The following CFAP58 variants were observed in gnomAD, a reference collection of about 807,000 sequenced individuals.
CFAP58 encodes cilia- and flagella-associated protein 58.
In CFAP58, 88 loss-of-function variants were observed where a neutral mutation model predicts 119.5. The ratio of observed to expected loss-of-function variants is 0.74; its 90% CI spans 0.62 to 0.88. The LOEUF (loss-of-function observed/expected upper bound fraction) is 0.88, where lower values mean the gene tolerates loss of function less well. Ranked by LOEUF, CFAP58 falls within the 40% of genes least tolerant of loss-of-function variation. CFAP58 has a pLI of 0.00. For synonymous variants in CFAP58, 365 were observed against 366.3 expected (o/e 1.00, Z 0.04); for missense variants, 990 against 1,021.2 (o/e 0.97, Z 0.42).
chr10:104,438,531 G>A (rs976105884), intron 15 of CFAP58, among the ~76,000 whole-genome samples: 1 of 151,732 alleles, frequency 6.6e-6, no homozygotes, highest in Non-Finnish European at 1.5e-5. Context: ...GCCCGCCACA[G>A]CGCCCGGCTA....
chr10:104,380,033 T>C lies in CFAP58; in HGVS notation c.1178T>C (p.Met393Thr). 2.5e-6 allele frequency: 4 copies of C among 1,613,354 alleles called. No individual in the cohort carries two copies. Among genetic ancestry groups the C allele is most frequent in the East Asian group, 2.2e-5 (1 of 44,876 alleles). ...GCTTTGTGCCCTTATTTTTAGAACA[T>C]GCTTAAGGCGGTCAATGCGACCCAG... The part of the protein sequence containing the change: ...LRERDILNKN[M>T]LKAVNATQKQ... The change falls in exon 9 of 18, where the codon ATG (methionine) becomes ACG (threonine). Residue 393 changes from methionine (M) to threonine (T), a missense_variant. Transcript: ENST00000369704.
intron 11 of CFAP58, among the ~76,000 whole-genome samples, chr10:104,398,314 G>A (rs751456457): frequency 6.6e-6 from 1 of 152,214 alleles, no homozygotes. Context: ...ACAATAGAAG[G>A]AGCACAGGCT....
In CFAP58 at chr10:104,400,693, G is replaced by C. The variant is rs373069696; in HGVS notation, c.1829G>C (p.Arg610Thr). 2.2e-5 allele frequency: 36 copies of C among 1,613,752 alleles called. No individual in the cohort carries two copies. Among genetic ancestry groups the C allele is most frequent in the Non-Finnish European group, 2.8e-5 (33 of 1,179,984 alleles). Reference sequence around the variant, plus strand: ...CTACCTTCCTAGGTCATCAGTGAGAGAGATATCCTGGGGTCTCAGCTTGTT... The same window carrying C: ...CTACCTTCCTAGGTCATCAGTGAGACAGATATCCTGGGGTCTCAGCTTGTT... ...KKELDQVISE[R>T]DILGSQLVRR... Residue 610 changes from arginine to threonine, a missense_variant, in exon 13 of 18, where the codon AGA (arginine) becomes ACA (threonine). Transcript: ENST00000369704.
Position 104,368,490 on chromosome 10 carries a change from A to G in CFAP58, c.860A>G (p.Glu287Gly). ...ATGAGAAATGCTAAACTTCAGCAAG[A>G]GAATGAACAGCACAGTTTGGTCTGT... ...FQMRNAKLQQ[E>G]NEQHSLVCEQ... The change falls in exon 6 of 18, where the codon GAG becomes GGG. Residue 287 changes from glutamate to glycine, a missense_variant. Physicochemically the swap from Glu to Gly is moderately conservative, Grantham distance 98. Transcript: ENST00000369704. 3 of 1,614,074 alleles carry G rather than the reference A, an allele frequency of 1.9e-6. No homozygotes were observed. The highest frequency in any genetic ancestry group is 2.5e-6 in the Non-Finnish European group (3 of 1,179,948).
chr10:104,373,566 A>G (rs1024585623), intron 7 of CFAP58, among the ~76,000 whole-genome samples: 1 of 152,134 alleles, frequency 6.6e-6, no homozygotes, highest in Non-Finnish European at 1.5e-5. Context: ...AGGCAGGAGG[A>G]TCACTTGAGT....
chr10:104,373,958 G>T (rs2014855726), intron 7 of CFAP58, among the ~76,000 whole-genome samples: 1 of 152,068 alleles, frequency 6.6e-6, no homozygotes, highest in South Asian at 2.1e-4. Context: ...TGTGCAGTAT[G>T]GATTCTTAAG....
At chr10:104,376,971 GGAAAA>G in intron 8 of CFAP58, 78 bp downstream of exon 8, 1 of 1,160,310 alleles carries the variant, frequency 8.6e-7, no homozygotes, top group Non-Finnish European at 1.3e-6. Context: ...CAGTTGGATG[GGAAAA>G]GAAAACTCCG....
intron 1 of CFAP58, among the ~76,000 whole-genome samples, chr10:104,354,397 G>A (rs2135238094): frequency 6.6e-6 from 1 of 151,962 alleles, no homozygotes; most frequent in South Asian, 2.1e-4. Context: ...AGGCTCTTCT[G>A]CCCATCACCT....
At position 104,376,800 on chromosome 10, in the gene CFAP58, T is replaced by C. The variant is rs765585303; in HGVS notation, c.1091-11T>C. 4.4e-5 allele frequency: 70 copies of C among 1,608,438 alleles called. No individual in the cohort carries two copies. The South Asian group carries it at 6.7e-4, about 15-fold the overall frequency. ...TACGTTTATTATTATTTTTTCTCCCTGGGGATTCAGAGGTAGAGGCTTCAA... is the reference window on the plus strand; with the variant it reads ...TACGTTTATTATTATTTTTTCTCCCCGGGGATTCAGAGGTAGAGGCTTCAA... On this transcript the variant is annotated splice_polypyrimidine_tract_variant and intron_variant, in intron 7 of 17. Coordinates refer to ENST00000369704, the MANE Select transcript of CFAP58 (RefSeq NM_001008723.2).
intron 2 of CFAP58, among the ~76,000 whole-genome samples, chr10:104,360,867 A>G (rs1429805113): frequency 2.0e-5 from 3 of 152,156 alleles, no homozygotes; most frequent in East Asian, 3.8e-4. Context: ...CTCTTTATCC[A>G]GTCTATCACT....
At chr10:104,436,390 A>G (rs970818903) in intron 15 of CFAP58, among the ~76,000 whole-genome samples, 1 of 152,070 alleles carries the variant, frequency 6.6e-6, no homozygotes, top group Non-Finnish European at 1.5e-5. Flanking sequence ...AATACCCAAG[A>G]CTCGGTAATT....
chr10:104,370,219 A>G (rs1025281011), intron 6 of CFAP58, among the ~76,000 whole-genome samples: 2 of 152,226 alleles, frequency 1.3e-5, no homozygotes, highest in Non-Finnish European at 2.9e-5. Context: ...CAAAATTCAC[A>G]TATTTTTGAT....
At chr10:104,355,854 T>C (rs1000836175) in intron 1 of CFAP58, among the ~76,000 whole-genome samples, 4 of 152,262 alleles carry the variant, frequency 2.6e-5, no homozygotes, top group African/African-American at 9.6e-5. Flanking sequence ...TTAAAACTTT[T>C]CCTTCTTTGG....
rs1564875662 is a variant in CFAP58, at chr10:104,357,866, T to TGTACACATATAC, written c.10-475_10-474insGTACACATATAC. ...ATATGTACACATATATACACATATA[T>TGTACACATATAC]ACACATATATGTACACATATATAAA... On this transcript the variant is annotated intron_variant, in intron 1 of 17. Transcript: ENST00000369704. Among the ~76,000 whole-genome samples the TGTACACATATAC allele has an allele frequency of 1.6e-4, 17 of 103,078 alleles. 1 individual carries two copies. The highest frequency in any genetic ancestry group is 2.3e-4 in the Non-Finnish European group (11 of 47,910). 67.6% of individuals were successfully genotyped at this position (103,078 alleles called of 152,430 possible). A position where few individuals can be genotyped will look rare whatever the true frequency, so the allele number is the denominator to read the frequency against.
In CFAP58 at chr10:104,364,792, C is replaced by T; in HGVS notation, c.500C>T (p.Ser167Leu). 1 of 1,612,502 alleles carries T rather than the reference C, an allele frequency of 6.2e-7. No individual in the cohort carries two copies. The highest frequency in any genetic ancestry group is 8.5e-7 in the Non-Finnish European group (1 of 1,179,290). Residue 167 changes from serine (S) to leucine (L), a missense_variant, in exon 4 of 18, where the codon TCA becomes TTA. Physicochemically the swap from Ser to Leu is moderately radical, Grantham distance 145. Coordinates refer to ENST00000369704, the MANE Select transcript of CFAP58 (RefSeq NM_001008723.2). Reference protein sequence around the residue: ...EVTKERDQLLSEVVKLRESLA... With the variant: ...EVTKERDQLLLEVVKLRESLA... ...ACAAAGGAGAGAGACCAGCTCTTAT[C>T]AGAAGTGGTAAAATTACGAGAATCC...
At chr10:104,379,683 T>A (rs1283051194) in intron 8 of CFAP58, among the ~76,000 whole-genome samples, 1 of 152,174 alleles carries the variant, frequency 6.6e-6, no homozygotes, top group Non-Finnish European at 1.5e-5. Flanking sequence ...GACTCTGGGG[T>A]TAGCCAGCCA....
intron 15 of CFAP58, among the ~76,000 whole-genome samples, chr10:104,426,696 T>C (rs768862540): frequency 6.6e-6 from 1 of 152,216 alleles, no homozygotes; most frequent in Non-Finnish European, 1.5e-5. Flanking sequence ...TTGGCAGTTA[T>C]GAAGAAAGAC....
At chr10:104,358,024 T>TAC in intron 1 of CFAP58, among the ~76,000 whole-genome samples, 1 of 148,262 alleles carries the variant, frequency 6.7e-6, no homozygotes, top group South Asian at 2.1e-4. Context: ...TATGTACATA[T>TAC]ATATACATAT....
chr10:104,440,987 CT>C (rs1269673678), intron 15 of CFAP58, among the ~76,000 whole-genome samples: 2 of 152,146 alleles, frequency 1.3e-5, no homozygotes, highest in Non-Finnish European at 2.9e-5. Flanking sequence ...GGATACTAAA[CT>C]CTAGACCTTA....
Sources: allele counts gnomAD v4.1 joint callset (sites outside exome capture counted in the v4.1 genomes callset), GRCh38; gene constraint gnomAD v4.1.1; transcripts MANE v1.5; gene names NCBI Gene and HGNC (gene_info 2026-07-23, HGNC 2026-07-21).